FNDC3A: variants seen among roughly 807,000 people sequenced by gnomAD.
FNDC3A encodes the protein fibronectin type III domain containing 3A.
Under a neutral mutation model 148.9 loss-of-function variants are expected in FNDC3A, and 32 were observed. The observed-to-expected ratio is 0.21, with a 90% CI of 0.16 to 0.29. FNDC3A has a LOEUF of 0.29. Among genes scored for constraint, FNDC3A ranks in the 10% least tolerant of loss-of-function variants. The pLI is 1.00. For synonymous variants in FNDC3A, 472 were observed against 473.6 expected (o/e 1.00, Z 0.04); for missense variants, 1,191 against 1,452.8 (o/e 0.82, Z 2.93).
intron 8 of FNDC3A, among the ~76,000 whole-genome samples, chr13:49,147,696 A>G (rs949497658): frequency 1.3e-5 from 2 of 152,180 alleles, no homozygotes; most frequent in Non-Finnish European, 2.9e-5. Context: ...TAAATGTGGG[A>G]AAAGCACATC....
At chr13:49,137,478 G>A (rs1882442071) in intron 6 of FNDC3A, among the ~76,000 whole-genome samples, 1 of 152,118 alleles carries the variant, frequency 6.6e-6, no homozygotes, top group Admixed American at 6.5e-5. Context: ...CTGAGTAGCT[G>A]GGACTAAAGG....
chr13:49,175,082 T>C (rs980119292), intron 12 of FNDC3A, among the ~76,000 whole-genome samples: 3 of 152,162 alleles, frequency 2.0e-5, no homozygotes, highest in Non-Finnish European at 4.4e-5. Context: ...AATACACGAG[T>C]GTTATTGTTT....
At position 49,145,817 on chromosome 13, in the gene FNDC3A, TCAC is replaced by T. The variant is rs1450720899; in HGVS notation, c.864_866del (p.Pro289del). Reference sequence around the variant, plus strand: ...GGCAAGGACAGTAGTACTTACCTGGTCACCACCTTCCAGCCTCATTAATGGTGA... The same window carrying T: ...GGCAAGGACAGTAGTACTTACCTGGTCACCTTCCAGCCTCATTAATGGTGA... On this transcript the variant is annotated inframe_deletion, in exon 8 of 26. Transcript: ENST00000492622. 6.2e-7 allele frequency: 1 copy of T among 1,613,844 alleles called. No homozygotes were observed. The highest frequency in any genetic ancestry group is 2.2e-5 in the East Asian group (1 of 44,878).
At chr13:49,121,394 G>A (rs937514203) in intron 4 of FNDC3A, among the ~76,000 whole-genome samples, 19 of 152,234 alleles carry the variant, frequency 1.2e-4, no homozygotes, top group African/African-American at 4.6e-4. Context: ...GAGAAAGCGG[G>A]AAAAATCTAA....
At chr13:49,106,559 C>A (rs562929884) in intron 3 of FNDC3A, among the ~76,000 whole-genome samples, 2 of 152,308 alleles carry the variant, frequency 1.3e-5, no homozygotes, top group South Asian at 4.1e-4. Flanking sequence ...AAGTGATCCA[C>A]CTCAGCTTCC....
intron 24 of FNDC3A, 77 bp downstream of exon 24, chr13:49,202,043 T>C: frequency 1.0e-6 from 1 of 1,003,782 alleles, no homozygotes. Flanking sequence ...CTTTGTTTAC[T>C]GATATTAAAA....
intron 3 of FNDC3A, among the ~76,000 whole-genome samples, chr13:49,077,251 C>T (rs572547329): frequency 1.2e-4 from 19 of 152,252 alleles, no homozygotes; most frequent in Admixed American, 8.5e-4. Flanking sequence ...CCAGCCTGGG[C>T]GATAAAGCGA....
Position 49,175,536 on chromosome 13 carries a change from A to G in FNDC3A, c.1525A>G (p.Thr509Ala). 1 of 1,602,336 alleles carries G rather than the reference A, an allele frequency of 6.2e-7. No homozygotes were observed. Among genetic ancestry groups the G allele is most frequent in the Non-Finnish European group, 8.5e-7 (1 of 1,173,226 alleles). ...TTACATTTTAGAGATGGAGGAAGAA[A>G]CTTCAGTAAGTGCAAATATGGATTT... Reference protein sequence around the residue: ...ISYILEMEEETSGYGFKPKYD... With the variant: ...ISYILEMEEEASGYGFKPKYD... Residue 509 changes from threonine to alanine, a missense_variant, in exon 13 of 26, where the codon ACT becomes GCT. Physicochemically the swap from Thr to Ala is moderately conservative, Grantham distance 58 (BLOSUM62 0). Around this residue, in one of 3 missense-constraint regions of FNDC3A, gnomAD observed 751 missense variants for 944.0 expected, o/e 0.80. Transcript: ENST00000492622.
chr13:48,990,976 A>G (rs981213295), intron 1 of FNDC3A, among the ~76,000 whole-genome samples: 4 of 152,226 alleles, frequency 2.6e-5, no homozygotes, highest in African/African-American at 9.6e-5. Flanking sequence ...CTATAAATCA[A>G]CAAGAGAGAG....
intron 2 of FNDC3A, among the ~76,000 whole-genome samples, chr13:49,056,847 T>C (rs901787972): frequency 6.6e-6 from 1 of 152,204 alleles, no homozygotes; most frequent in Non-Finnish European, 1.5e-5. Context: ...TAGACATTTT[T>C]AAACATTTTA....
intron 7 of FNDC3A, 59 bp from the exon 8 acceptor site, chr13:49,145,719 C>A: frequency 1.5e-6 from 2 of 1,334,800 alleles, no homozygotes; most frequent in East Asian, 2.3e-5. Flanking sequence ...AGATATTTCA[C>A]TGCTCATTGT....
chr13:49,135,170 C>T (rs1882282883), intron 5 of FNDC3A, among the ~76,000 whole-genome samples: 1 of 151,916 alleles, frequency 6.6e-6, no homozygotes, highest in Admixed American at 6.6e-5. Context: ...CATATATTTT[C>T]TTTGGAGAAA....
At chr13:49,163,495 A>G (rs889842902) in intron 8 of FNDC3A, among the ~76,000 whole-genome samples, 1 of 152,170 alleles carries the variant, frequency 6.6e-6, no homozygotes, top group Non-Finnish European at 1.5e-5. Context: ...GGAAAAGCAC[A>G]GTATTAGGGT....
chr13:49,122,385 C>G lies in FNDC3A; in HGVS notation c.252+7654C>G, dbSNP rs185333845. ...GAGCTGTTTATAACAAACCCACAGCCAATATCATACTGAATGGGCAAAAGC... is the reference window on the plus strand; with the variant it reads ...GAGCTGTTTATAACAAACCCACAGCGAATATCATACTGAATGGGCAAAAGC... On this transcript the variant is annotated intron_variant, in intron 4 of 25. Coordinates refer to ENST00000492622, the MANE Select transcript of FNDC3A (RefSeq NM_001079673.2). 3.2e-4 allele frequency among the ~76,000 whole-genome samples: 49 copies of G among 152,196 alleles called. 1 individual carries two copies. The East Asian group carries it at 9.5e-3, about 29-fold the overall frequency.
chr13:49,091,013 A>G (rs117131202), intron 3 of FNDC3A, among the ~76,000 whole-genome samples: 687 of 152,258 alleles, frequency 4.5e-3, no homozygotes, highest in Non-Finnish European at 7.5e-3. Flanking sequence ...TTTACAGGGA[A>G]AACTGAAAAT....
intron 3 of FNDC3A, among the ~76,000 whole-genome samples, chr13:49,086,390 A>G (rs1878817534): frequency 6.6e-6 from 1 of 152,214 alleles, no homozygotes; most frequent in Non-Finnish European, 1.5e-5. Flanking sequence ...AGGGTGGGCT[A>G]GGGCAATTTA....
intron 2 of FNDC3A, among the ~76,000 whole-genome samples, chr13:49,018,528 T>C (rs1050483659): frequency 1.1e-4 from 16 of 152,296 alleles, no homozygotes; most frequent in Non-Finnish European, 2.4e-4. Context: ...AGTTTTCAAC[T>C]TCTTTGCCTT....
intron 2 of FNDC3A, among the ~76,000 whole-genome samples, chr13:49,036,586 G>A (rs1050174351): frequency 6.6e-6 from 1 of 152,102 alleles, no homozygotes; most frequent in Non-Finnish European, 1.5e-5. Flanking sequence ...AAAACAGATC[G>A]ATGTCTAAAT....
intron 2 of FNDC3A, among the ~76,000 whole-genome samples, chr13:49,032,070 G>A (rs1040434073): frequency 1.3e-5 from 2 of 152,142 alleles, no homozygotes; most frequent in East Asian, 3.8e-4. Flanking sequence ...TCAGGGAAAT[G>A]CAAATCAAAA....
Sources: gnomAD v4.1 joint callset for allele counts (sites outside exome capture counted in the v4.1 genomes callset) on GRCh38, gnomAD v4.1.1 for gene constraint, gnomAD v4.1.1 regional missense constraint, MANE v1.5 for transcripts, NCBI Gene and HGNC (gene_info 2026-07-23, HGNC 2026-07-21) for gene names.